Variants in HTR3B observed in about 807,000 individuals in gnomAD.
HTR3B encodes the protein 5-hydroxytryptamine (serotonin) receptor 3B, ionotropic.
In HTR3B, 44 loss-of-function variants were observed where a neutral mutation model predicts 42.8. The ratio of observed to expected loss-of-function variants is 1.03; its 90% CI spans 0.81 to 1.32. The LOEUF is 1.32. HTR3B is among the 40% of genes most tolerant of loss of function. The pLI is 0.00. For missense variants in HTR3B, 527 were observed against 536.5 expected, an observed-to-expected ratio of 0.98 and a Z score of 0.17; for synonymous variants, 203 against 209.0, an observed-to-expected ratio of 0.97 and a Z score of 0.25.
intron 6 of HTR3B, among the ~76,000 whole-genome samples, chr11:113,936,314 A>G (rs1950091815): frequency 6.6e-6 from 1 of 152,186 alleles, no homozygotes; most frequent in African/African-American, 2.4e-5. Flanking sequence ...GCCCAACCAC[A>G]GATATCCTCA....
chr11:113,900,068 A>G (rs1053182460), upstream of HTR3B, among the ~76,000 whole-genome samples: 1 of 152,118 alleles, frequency 6.6e-6, no homozygotes, highest in Non-Finnish European at 1.5e-5. Flanking sequence ...GGAGTTCGAG[A>G]CTAGCCTGGT....
chr11:113,929,597 G>T (rs1950011073), intron 2 of HTR3B, among the ~76,000 whole-genome samples: 1 of 152,110 alleles, frequency 6.6e-6, no homozygotes, highest in Non-Finnish European at 1.5e-5. Flanking sequence ...TTGGAAGTTA[G>T]GGTTTCAACA....
chr11:113,921,309 C>G (rs1202563761), intron 2 of HTR3B, among the ~76,000 whole-genome samples: 1 of 151,692 alleles, frequency 6.6e-6, no homozygotes, highest in Non-Finnish European at 1.5e-5. Flanking sequence ...CCACGCCTGG[C>G]TAATTTTTGT....
intron 8 of HTR3B, 149 bp from the exon 9 acceptor site, chr11:113,945,753 G>T: frequency 1.6e-6 from 1 of 633,520 alleles, no homozygotes; most frequent in South Asian, 1.8e-5. Context: ...CGCCTAATCG[G>T]GTGGGGAGAG....
At position 113,949,013 on chromosome 11, in the gene HTR3B, A is replaced by C. The variant is rs528132250; in HGVS notation, c.*2876A>C. ...TTGTGCACATGTACCCTAAAACTTA[A>C]AGTATAATTTAAAAAAAAGTAAATA... On this transcript the variant is annotated 3_prime_UTR_variant, in exon 9 of 9. Coordinates refer to ENST00000260191, the MANE Select transcript of HTR3B (RefSeq NM_006028.5). Among the ~76,000 whole-genome samples, 13 of 152,384 alleles carry C rather than the reference A, an allele frequency of 8.5e-5. No homozygotes were observed. The highest frequency in any genetic ancestry group is 3.1e-4 in the African/African-American group (13 of 41,590).
rs1410278171 is a variant in HTR3B at position 113,932,341 on chromosome 11, G to A, written c.421G>A (p.Gly141Arg). 2 of 1,613,400 alleles carry A rather than the reference G, an allele frequency of 1.2e-6. No individual in the cohort carries two copies. Among genetic ancestry groups the A allele is most frequent in the African/African-American group, 2.7e-5 (2 of 74,876 alleles). ...TCCCTATGTTTATGTGAACTCATCT[G>A]GGACCATTGAGAACTATAAGCCCAT... ...DLPYVYVNSS[G>R]TIENYKPIQV... The change falls in exon 5 of 9, where the codon GGG becomes AGG. Residue 141 changes from glycine (G) to arginine (R), a missense_variant. Physicochemically the swap from Gly to Arg is moderately radical, Grantham distance 125 (BLOSUM62 -2). Coordinates refer to ENST00000260191, the MANE Select transcript of HTR3B (RefSeq NM_006028.5).
chr11:113,937,309 C>G (rs1950099426), intron 6 of HTR3B, among the ~76,000 whole-genome samples: 1 of 152,162 alleles, frequency 6.6e-6, no homozygotes, highest in Non-Finnish European at 1.5e-5. Flanking sequence ...CTCCACACTT[C>G]CATTATATTG....
At chr11:113,943,524 G>C (rs977274286) in intron 7 of HTR3B, among the ~76,000 whole-genome samples, 18 of 151,974 alleles carry the variant, frequency 1.2e-4, no homozygotes, top group Admixed American at 2.0e-4. Context: ...TAGTAGAGAC[G>C]GGGTTTCACG....
Position 113,913,246 on chromosome 11 carries a change from C to T in HTR3B, c.213+3791C>T, listed in dbSNP as rs548794737. Among the ~76,000 whole-genome samples the T allele has an allele frequency of 4.6e-5, 7 of 150,586 alleles. No homozygotes were observed. The East Asian group carries it at 7.8e-4, about 17-fold the overall frequency. On this transcript the variant is annotated intron_variant, in intron 2 of 8. Transcript: ENST00000260191. The stretch of plus-strand genomic sequence containing the variant: ...TCTCAAAGGCTGGAGTGCAATGGCA[C>T]GATCTCGGCTCACTGCAGCCGCCGC...
intron 1 of HTR3B, among the ~76,000 whole-genome samples, chr11:113,905,542 T>G (rs1028570170): frequency 6.6e-6 from 1 of 152,218 alleles, no homozygotes; most frequent in Non-Finnish European, 1.5e-5. Flanking sequence ...TGGTAAGTTT[T>G]GAGTCTACAA....
At chr11:113,930,898 T>C (rs1266312540) in intron 2 of HTR3B, among the ~76,000 whole-genome samples, 1 of 152,200 alleles carries the variant, frequency 6.6e-6, no homozygotes, top group Non-Finnish European at 1.5e-5. Flanking sequence ...GTTTCATTTA[T>C]AATAAGCTCA....
chr11:113,898,953 A>G, the HTR3B span, among the ~76,000 whole-genome samples: 3 of 152,188 alleles, frequency 2.0e-5, no homozygotes, highest in African/African-American at 4.8e-5. Context: ...TTTTTAATGC[A>G]GCCGTAGAAA....
intron 2 of HTR3B, among the ~76,000 whole-genome samples, chr11:113,910,504 G>A (rs369218108): frequency 2.7e-5 from 4 of 148,540 alleles, no homozygotes; most frequent in Non-Finnish European, 5.9e-5. Flanking sequence ...CCAATGGCAC[G>A]ATCTCGGCTC....
chr11:113,948,778 G>A lies in HTR3B; in HGVS notation c.*2641G>A, dbSNP rs1032560304. Among the ~76,000 whole-genome samples the A allele has an allele frequency of 6.6e-6, 1 of 151,764 alleles. No individual in the cohort carries two copies. Among genetic ancestry groups the A allele is most frequent in the Non-Finnish European group, 1.5e-5 (1 of 68,010 alleles). ...CTCGGGGGGCTGAGGCAGGAGAATC[G>A]CTTGAACCCAGGAGGTGGAGGTTGC... On this transcript the variant is annotated 3_prime_UTR_variant, in exon 9 of 9. Coordinates refer to ENST00000260191, the MANE Select transcript of HTR3B (RefSeq NM_006028.5).
intron 2 of HTR3B, among the ~76,000 whole-genome samples, chr11:113,921,072 C>T (rs1196084924): frequency 6.6e-6 from 1 of 151,868 alleles, no homozygotes; most frequent in African/African-American, 2.4e-5. Flanking sequence ...CTCAGCCTCC[C>T]AGAGTGGTGG....
At chr11:113,923,206 A>G (rs45569843) in intron 2 of HTR3B, among the ~76,000 whole-genome samples, 4,675 of 152,170 alleles carry the variant, frequency 0.031, 130 homozygotes, top group Admixed American at 0.058. Context: ...AGACAAGGAC[A>G]CTCCCAACGT....
At chr11:113,899,594 T>A in the HTR3B span, among the ~76,000 whole-genome samples, 20 of 152,246 alleles carry the variant, frequency 1.3e-4, no homozygotes, top group Admixed American at 1.2e-3. Flanking sequence ...AGGCCTATTT[T>A]TTGAACTAAT....
chr11:113,926,534 T>C (rs1263790528), intron 2 of HTR3B, among the ~76,000 whole-genome samples: 1 of 148,216 alleles, frequency 6.7e-6, no homozygotes, highest in African/African-American at 2.5e-5. Flanking sequence ...TTTCCTTTCC[T>C]TTTTTTCTTT....
chr11:113,914,184 T>C (rs1949829288), intron 2 of HTR3B, among the ~76,000 whole-genome samples: 2 of 152,020 alleles, frequency 1.3e-5, no homozygotes, highest in South Asian at 4.1e-4. Flanking sequence ...TTAAATTAAA[T>C]TGGCTGGGCG....
Sources: allele counts gnomAD v4.1 joint callset (sites outside exome capture counted in the v4.1 genomes callset), GRCh38; gene constraint gnomAD v4.1.1; transcripts MANE v1.5; gene names NCBI Gene and HGNC (gene_info 2026-07-23, HGNC 2026-07-21).